Variants in HAUS5 observed in about 807,000 individuals in gnomAD.
The protein encoded by HAUS5 is HAUS augmin like complex subunit 5.
HAUS5 carries 67 observed loss-of-function variants against 94.1 expected under a neutral mutation model. The observed-to-expected ratio is 0.71, with a 90% CI of 0.58 to 0.87. The LOEUF (loss-of-function observed/expected upper bound fraction) is 0.87. HAUS5 is among the 40% of genes least tolerant of loss of function. The pLI is 0.00. For synonymous variants in HAUS5, 339 were observed against 355.4 expected (o/e 0.95, Z 0.52); for missense variants, 739 against 825.6 (o/e 0.90, Z 1.29).
In HAUS5 at chr19:35,624,033, G is replaced by A. The variant is rs912102944; in HGVS notation, c.*1040G>A. 1.3e-5 allele frequency: 2 copies of A among 150,682 alleles called. No individual in the cohort carries two copies. Among genetic ancestry groups the A allele is most frequent in the Admixed American group, 1.3e-4 (2 of 15,148 alleles). The allele number at this position is 150,682 out of a possible 1,614,324, so 9.3% of individuals were successfully genotyped here. A position where few individuals can be genotyped will look rare whatever the true frequency, so the allele number is the denominator to read the frequency against. ...ACCTGCTTTGTATTTAACTCTCCAT[G>A]TGTCATTCCTACAGTAGCTTAATAG... is the stretch of plus-strand genomic sequence containing the variant. On this transcript the variant is annotated 3_prime_UTR_variant, in exon 19 of 19. Coordinates refer to ENST00000203166, the MANE Select transcript of HAUS5 (RefSeq NM_015302.2).
Position 35,620,244 on chromosome 19 carries a change from T to A in HAUS5, c.1568T>A (p.Leu523Gln), listed in dbSNP as rs775421104. ...PAAASLRQDL[L>Q]LLQDQRSLWC... ...GCTGCCTCTCTTCGCCAGGACCTTCTGCTCCTGCAGGACCAGCGGAGCCTC... is the reference window on the plus strand; with the variant it reads ...GCTGCCTCTCTTCGCCAGGACCTTCAGCTCCTGCAGGACCAGCGGAGCCTC... Residue 523 changes from leucine to glutamine, a missense_variant, in exon 17 of 19, where the codon CTG (leucine) becomes CAG (glutamine). Leu to Gln is a moderately radical substitution (Grantham distance 113). Coordinates refer to ENST00000203166, the MANE Select transcript of HAUS5 (RefSeq NM_015302.2). The A allele has an allele frequency of 4.3e-6, 7 of 1,613,796 alleles. No individual in the cohort carries two copies. In the South Asian group the frequency reaches 7.7e-5, roughly 18 times the overall value.
chr19:35,623,087 C>T lies in HAUS5; in HGVS notation c.*94C>T. 1 of 884,034 alleles carries T rather than the reference C, an allele frequency of 1.1e-6. No individual in the cohort carries two copies. Among genetic ancestry groups the T allele is most frequent in the Non-Finnish European group, 1.8e-6 (1 of 558,018 alleles). The allele number at this position is 884,034 out of a possible 1,614,324, so 54.8% of individuals were successfully genotyped here. A position where few individuals can be genotyped will look rare whatever the true frequency, so the allele number is the denominator to read the frequency against. On this transcript the variant is annotated 3_prime_UTR_variant, in exon 19 of 19. Transcript: ENST00000203166. ...TTTGGAAGAAAGCAGCGCCAGGATTCCTCGGCAGTCGTCCCCACCCGCACC... is the reference window on the plus strand; with the variant it reads ...TTTGGAAGAAAGCAGCGCCAGGATTTCTCGGCAGTCGTCCCCACCCGCACC...
Position 35,615,346 on chromosome 19 carries a change from C to T in HAUS5, c.445C>T (p.Arg149Trp), listed in dbSNP as rs200602213. ...GCATACGCTCCGAGATCCCATGCAG[C>T]GGCTGCAGAATCAACTGAGGCGCCT... Reference protein sequence around the residue: ...QQHTLRDPMQRLQNQLRRLQD... With the variant: ...QQHTLRDPMQWLQNQLRRLQD... Residue 149 changes from arginine (R) to tryptophan (W), a missense_variant, in exon 6 of 19, where the codon CGG becomes TGG. Transcript: ENST00000203166. 1.0e-4 allele frequency: 168 copies of T among 1,611,856 alleles called. No individual in the cohort carries two copies. The African/African-American group carries it at 1.7e-3, about 17-fold the overall frequency.
In HAUS5 at chr19:35,623,165, C is replaced by T. The variant is rs1967244214; in HGVS notation, c.*172C>T. ...GCCCCACTCAGCTCCTGGACCCTGTCCTTTCATCCCGCTAAAGCACCCCCT... is the reference window on the plus strand; with the variant it reads ...GCCCCACTCAGCTCCTGGACCCTGTTCTTTCATCCCGCTAAAGCACCCCCT... On this transcript the variant is annotated 3_prime_UTR_variant, in exon 19 of 19. Transcript: ENST00000203166. 1 of 598,124 alleles carries T rather than the reference C, an allele frequency of 1.7e-6. No individual in the cohort carries two copies. The highest frequency in any genetic ancestry group is 1.9e-5 in the African/African-American group (1 of 53,946). The allele number at this position is 598,124 out of a possible 1,614,324, so 37.1% of individuals were successfully genotyped here.
rs1967285901 is a variant in HAUS5, at chr19:35,625,112, T to A, written c.*2119T>A. 1 of 152,208 alleles carries A rather than the reference T, an allele frequency of 6.6e-6. No individual in the cohort carries two copies. Among genetic ancestry groups the A allele is most frequent in the African/African-American group, 2.4e-5 (1 of 41,454 alleles). 9.4% of individuals were successfully genotyped at this position (152,208 alleles called of 1,614,324 possible). A position where few individuals can be genotyped will look rare whatever the true frequency, so the allele number is the denominator to read the frequency against. ...CTTCAACTTCATACAGTAGTCACAT[T>A]GTTAGTAATAACACTGGCATTTTTA... is the stretch of plus-strand genomic sequence containing the variant. On this transcript the variant is annotated 3_prime_UTR_variant, in exon 19 of 19. Coordinates refer to ENST00000203166, the MANE Select transcript of HAUS5 (RefSeq NM_015302.2).
In HAUS5 at chr19:35,615,218, C is replaced by T. The variant is rs1184208514; in HGVS notation, c.326-9C>T. The T allele has an allele frequency of 6.2e-7, 1 of 1,613,648 alleles. No individual in the cohort carries two copies. Among genetic ancestry groups the T allele is most frequent in the African/African-American group, 1.3e-5 (1 of 75,056 alleles). On this transcript the variant is annotated splice_polypyrimidine_tract_variant and intron_variant, in intron 5 of 18. Transcript: ENST00000203166. ...AAGGTGCTGATGGCCACCCCTGTTC[C>T]TCCCACAGACACGGCCATGGAGCAG...
In HAUS5 at chr19:35,617,029, A is replaced by G. The variant is rs1218935628; in HGVS notation, c.486-95A>G. ...TGGCTCCCGAGATCTAGGCTTAGTG[A>G]TTCCTCTGACCGGCCTTGCTGGCAG... On this transcript the variant is annotated intron_variant, in intron 6 of 18. Transcript: ENST00000203166. 6 of 1,003,466 alleles carry G rather than the reference A, an allele frequency of 6.0e-6. No homozygotes were observed. In the East Asian group the frequency reaches 1.2e-4, roughly 20 times the overall value. The allele number at this position is 1,003,466 out of a possible 1,614,324, so 62.2% of individuals were successfully genotyped here.
rs2071928864 is a variant in HAUS5, at chr19:35,615,035, C to T, written c.220-7C>T. 1 of 1,576,236 alleles carries T rather than the reference C, an allele frequency of 6.3e-7. No homozygotes were observed. The highest frequency in any genetic ancestry group is 8.6e-7 in the Non-Finnish European group (1 of 1,160,312). On this transcript the variant is annotated splice_region_variant and splice_polypyrimidine_tract_variant and intron_variant, in intron 4 of 18. Transcript: ENST00000203166. ...AGACCATCTGACCCTGAATCTGATC[C>T]TCCCAGGTCCGTCGGAAGTTAGAGC...
At position 35,622,941 on chromosome 19, in the gene HAUS5, G is replaced by A. The variant is rs773750801; in HGVS notation, c.1850G>A (p.Trp617Ter). ...TGCCAGGGCCTGTCCCTGCCCCAGT[G>A]GCGGCTGCGCTGGGTTCAGGCCCAG... ...ELCQGLSLPQ[W>*]RLRWVQAQGA... The change falls in exon 19 of 19, where the codon TGG becomes TAG. Residue 617 changes from tryptophan to a stop codon, truncating the protein, a stop_gained. Transcript: ENST00000203166. LOFTEE classifies it high-confidence loss of function. The A allele has an allele frequency of 1.2e-6, 2 of 1,613,694 alleles. No individual in the cohort carries two copies.
At chr19:35,613,956 TCCC>T (rs2071918029) in intron 3 of HAUS5, 56 bp downstream of exon 3, 4 of 1,607,922 alleles carry the variant, frequency 2.5e-6, no homozygotes, top group Non-Finnish European at 3.4e-6. Context: ...TTTAGCCCTG[TCCC>T]CACCACAGCA....
chr19:35,624,779 C>G lies in HAUS5; in HGVS notation c.*1786C>G, dbSNP rs1258014494. 1 of 152,104 alleles carries G rather than the reference C, an allele frequency of 6.6e-6. No homozygotes were observed. Among genetic ancestry groups the G allele is most frequent in the Non-Finnish European group, 1.5e-5 (1 of 68,036 alleles). 9.4% of individuals were successfully genotyped at this position (152,104 alleles called of 1,614,324 possible). A position where few individuals can be genotyped will look rare whatever the true frequency, so the allele number is the denominator to read the frequency against. Reference sequence around the variant, plus strand: ...AATTTTTTTTCCCAAACTAAGTGAACATTAGATTTAATTTGGCTGGCCCCA... The same window carrying G: ...AATTTTTTTTCCCAAACTAAGTGAAGATTAGATTTAATTTGGCTGGCCCCA... On this transcript the variant is annotated 3_prime_UTR_variant, in exon 19 of 19. Coordinates refer to ENST00000203166, the MANE Select transcript of HAUS5 (RefSeq NM_015302.2).
In HAUS5 at chr19:35,618,578, C is replaced by A. The variant is rs771101470; in HGVS notation, c.895C>A (p.Arg299=). ...TGTACCCCGCTTGCAGGAGGGCTGG[C>A]GGACTGTGGGTGTGCTGGTCTCCCA... The part of the protein sequence containing the change: ...SMVHLIQEGW[R]TVGVLVSQRS... Residue 299 remains arginine, a synonymous_variant, in exon 12 of 19, where the codon CGG becomes AGG. Transcript: ENST00000203166. 2.5e-6 allele frequency: 4 copies of A among 1,603,968 alleles called. No homozygotes were observed. The highest frequency in any genetic ancestry group is 1.7e-5 in the Admixed American group (1 of 59,668).
rs372389947 is a variant in HAUS5, at chr19:35,620,223, C to T, written c.1547C>T (p.Ala516Val). The stretch of plus-strand genomic sequence containing the variant: ...TCGGAGCTGCTCCTGCCGGCGGCTG[C>T]CTCTCTTCGCCAGGACCTTCTGCTC... ...KASELLLPAA[A>V]SLRQDLLLLQ... is the part of the protein sequence containing the mutation. Residue 516 changes from alanine (A) to valine (V), a missense_variant, in exon 17 of 19, where the codon GCC (alanine) becomes GTC (valine). Physicochemically the swap from Ala to Val is moderately conservative, Grantham distance 64. Coordinates refer to ENST00000203166, the MANE Select transcript of HAUS5 (RefSeq NM_015302.2). The T allele has an allele frequency of 8.7e-6, 14 of 1,613,662 alleles. No individual in the cohort carries two copies. The highest frequency in any genetic ancestry group is 1.2e-5 in the Non-Finnish European group (14 of 1,179,884).
At chr19:35,622,518 G>T (rs183661297) in intron 17 of HAUS5, 83 bp from the exon 18 acceptor site, 20 of 1,422,068 alleles carry the variant, frequency 1.4e-5, no homozygotes, top group Admixed American at 3.8e-5. Flanking sequence ...AAGACTAGGG[G>T]ACTGGAGAAT....
chr19:35,622,548 G>A, intron 17 of HAUS5, 53 bp from the exon 18 acceptor site: 2 of 1,585,914 alleles, frequency 1.3e-6, no homozygotes, highest in Non-Finnish European at 1.7e-6. Flanking sequence ...ATTGCTGTAA[G>A]GTACCAGCGA....
chr19:35,617,415 T>A (rs765001943), intron 8 of HAUS5, 46 bp downstream of exon 8: 9 of 1,241,872 alleles, frequency 7.2e-6, no homozygotes, highest in Non-Finnish European at 1.1e-5. Context: ...CCCTGGGTTT[T>A]AAGTGGGGGT....
Position 35,612,820 on chromosome 19 carries a change from A to C in HAUS5, c.26A>C (p.Glu9Ala). 6.5e-7 allele frequency: 1 copy of C among 1,547,666 alleles called. No individual in the cohort carries two copies. Among genetic ancestry groups the C allele is most frequent in the South Asian group, 1.2e-5 (1 of 83,720 alleles). ...ATGGAGCTAGCGCAGGAAGCGCGGG[A>C]ACTGGGTTGCTGGGCGGTCGAAGAG... MELAQEAR[E>A]LGCWAVEEMG... is the part of the protein sequence containing the mutation. The change falls in exon 1 of 19, where the codon GAA (glutamate) becomes GCA (alanine). Residue 9 changes from glutamate (E) to alanine (A), a missense_variant. Glu to Ala is a moderately radical substitution (Grantham distance 107, BLOSUM62 -1). Transcript: ENST00000203166.
rs1022309144 is a variant in HAUS5 at position 35,620,389 on chromosome 19, C to T, written c.1651+62C>T. On this transcript the variant is annotated intron_variant, in intron 17 of 18. Transcript: ENST00000203166. ...CCATTCCCACTACCAGCAGCCTCCACGAGTCCTTACCAGCAACCCCGTTGT... is the reference window on the plus strand; with the variant it reads ...CCATTCCCACTACCAGCAGCCTCCATGAGTCCTTACCAGCAACCCCGTTGT... The T allele has an allele frequency of 7.3e-6, 11 of 1,503,394 alleles. No homozygotes were observed. In the Admixed American group the frequency reaches 1.1e-4, roughly 15 times the overall value. 93.1% of individuals were successfully genotyped at this position (1,503,394 alleles called of 1,614,324 possible). A position where few individuals can be genotyped will look rare whatever the true frequency, so the allele number is the denominator to read the frequency against.
chr19:35,621,155 G>A (rs1025703856), intron 17 of HAUS5, among the ~76,000 whole-genome samples: 1 of 152,184 alleles, frequency 6.6e-6, no homozygotes, highest in Non-Finnish European at 1.5e-5. Flanking sequence ...AAATGAACCG[G>A]CAGTGCCAGC....
Sources: gnomAD v4.1 joint callset for allele counts (sites outside exome capture counted in the v4.1 genomes callset) on GRCh38, gnomAD v4.1.1 for gene constraint, MANE v1.5 for transcripts, NCBI Gene and HGNC (gene_info 2026-07-23, HGNC 2026-07-21) for gene names.